The following PATL2 variants were observed in gnomAD, a reference collection of about 807,000 sequenced individuals.
PATL2 encodes protein PAT1 homolog 2.
Under a neutral mutation model 77.0 loss-of-function variants are expected in PATL2, and 73 were observed. The observed-to-expected ratio is 0.95, with a 90% CI of 0.78 to 1.15. The LOEUF is 1.15. Among genes scored for constraint, PATL2 ranks in the 50% most tolerant of loss-of-function variants. The pLI is 0.00. For synonymous variants in PATL2, 265 were observed against 257.1 expected (o/e 1.03, Z -0.29); for missense variants, 618 against 655.4 (o/e 0.94, Z 0.62).
intron 3 of PATL2, among the ~76,000 whole-genome samples, chr15:44,680,625 T>C (rs1239536104): frequency 1.3e-5 from 2 of 152,190 alleles, no homozygotes; most frequent in Non-Finnish European, 2.9e-5. Flanking sequence ...GTGTATAGGA[T>C]AGAAATATCA....
rs562374731 is a variant in PATL2 at position 44,676,931 on chromosome 15, C to A, written c.-75-366G>T. ...GCAGCCTGGGCCAGGACCTGTTTGC[C>A]GCTCCTGGCTTTAAAAGTCCCAGCT... On this transcript the variant is annotated intron_variant, in intron 3 of 17. Transcript: ENST00000682850. 3 of 1,010,284 alleles carry A rather than the reference C, an allele frequency of 3.0e-6. No individual in the cohort carries two copies. The African/African-American group carries it at 5.2e-5, about 17-fold the overall frequency. The allele number at this position is 1,010,284 out of a possible 1,614,324, so 62.6% of individuals were successfully genotyped here. A position where few individuals can be genotyped will look rare whatever the true frequency, so the allele number is the denominator to read the frequency against.
At chr15:44,667,310 A>C in intron 15 of PATL2, 107 bp from the exon 16 acceptor site, 1 of 804,792 alleles carries the variant, frequency 1.2e-6, no homozygotes, top group South Asian at 1.6e-5. Flanking sequence ...ACATTTAGAG[A>C]TAGAGCTCAA....
At position 44,669,271 on chromosome 15, in the gene PATL2, C is replaced by T; in HGVS notation, c.1064+9G>A. On this transcript the variant is annotated intron_variant, in intron 13 of 17. Transcript: ENST00000682850. ...TTCCTGGGCTGAGGTGGAACCCTCC[C>T]ACACTCACTCCAGGTTGTTCTGCTC... is the stretch of plus-strand genomic sequence containing the variant. 6.5e-7 allele frequency: 1 copy of T among 1,545,236 alleles called. No individual in the cohort carries two copies. The highest frequency in any genetic ancestry group is 2.5e-5 in the East Asian group (1 of 40,694).
chr15:44,690,189 C>G (rs2086358094), intron 3 of PATL2, among the ~76,000 whole-genome samples: 1 of 151,396 alleles, frequency 6.6e-6, no homozygotes, highest in African/African-American at 2.4e-5. Context: ...AACTCCGTCT[C>G]AAAAAAAAGT....
At chr15:44,671,920 A>G in intron 9 of PATL2, 95 bp downstream of exon 9, 1 of 1,436,198 alleles carries the variant, frequency 7.0e-7, no homozygotes, top group Non-Finnish European at 9.4e-7. Flanking sequence ...AACAGACATG[A>G]CCTCTATGAG....
intron 3 of PATL2, among the ~76,000 whole-genome samples, chr15:44,706,377 C>T (rs913654001): frequency 4.6e-5 from 7 of 152,192 alleles, no homozygotes; most frequent in African/African-American, 1.4e-4. Flanking sequence ...TTAGAGGGCA[C>T]ACCAAGCACA....
chr15:44,696,574 G>T (rs2086507672), intron 3 of PATL2, among the ~76,000 whole-genome samples: 1 of 152,148 alleles, frequency 6.6e-6, no homozygotes, highest in African/African-American at 2.4e-5. Flanking sequence ...TGTGGGACAG[G>T]TTCTCTGCCT....
At chr15:44,703,723 CTTTTTTTTTTTTTTT>C (rs933165876) in intron 3 of PATL2, among the ~76,000 whole-genome samples, 6 of 33,006 alleles carry the variant, frequency 1.8e-4, no homozygotes, top group South Asian at 1.4e-3. Flanking sequence ...CCGGGTCTTG[CTTTTTTTTTTTTTTT>C]TTTTTTTTTT....
chr15:44,680,233 G>A (rs2086103485), intron 3 of PATL2, among the ~76,000 whole-genome samples: 1 of 152,130 alleles, frequency 6.6e-6, no homozygotes, highest in Admixed American at 6.6e-5. Context: ...TTCTTGTCGG[G>A]ACCATGACTG....
At chr15:44,677,627 C>A (rs894127165) in intron 3 of PATL2, among the ~76,000 whole-genome samples, 1 of 152,130 alleles carries the variant, frequency 6.6e-6, no homozygotes, top group African/African-American at 2.4e-5. Flanking sequence ...CTGTGTTCAG[C>A]TGAAACCCAC....
intron 3 of PATL2, 164 bp from the exon 4 acceptor site, chr15:44,676,729 TC>T: frequency 8.1e-7 from 1 of 1,235,734 alleles, no homozygotes; most frequent in Non-Finnish European, 1.1e-6. Flanking sequence ...ACACCCACCC[TC>T]CCAGCTCGGC....
At chr15:44,702,495 C>T (rs899353344) in intron 3 of PATL2, among the ~76,000 whole-genome samples, 5 of 151,396 alleles carry the variant, frequency 3.3e-5, no homozygotes, top group Non-Finnish European at 7.4e-5. Flanking sequence ...TATTTTTGCT[C>T]TCATCTTTAT....
At chr15:44,683,129 C>CA (rs2086171529) in intron 3 of PATL2, among the ~76,000 whole-genome samples, 1 of 152,196 alleles carries the variant, frequency 6.6e-6, no homozygotes, top group South Asian at 2.1e-4. Context: ...CCTATGCCAC[C>CA]AGGGCCTTGG....
chr15:44,696,972 T>G (rs1311701315), intron 3 of PATL2, among the ~76,000 whole-genome samples: 4 of 152,200 alleles, frequency 2.6e-5, no homozygotes, highest in Non-Finnish European at 4.4e-5. Flanking sequence ...TTTGCTGAAT[T>G]TAATAGAATT....
chr15:44,711,090 G>A lies in PATL2; in HGVS notation c.-324C>T. On this transcript the variant is annotated 5_prime_UTR_variant, in exon 1 of 18. Coordinates refer to ENST00000682850, the MANE Select transcript of PATL2 (RefSeq NM_001387263.1). ...TAAACAGAAGTTCTCCTTCTGCTAG[G>A]TAGCATTCAAAGATCTTAATCTTCT... The A allele has an allele frequency of 3.3e-6, 1 of 299,102 alleles. No homozygotes were observed. The highest frequency in any genetic ancestry group is 3.1e-5 in the South Asian group (1 of 31,858). 18.5% of individuals were successfully genotyped at this position (299,102 alleles called of 1,614,324 possible). A position where few individuals can be genotyped will look rare whatever the true frequency, so the allele number is the denominator to read the frequency against.
At chr15:44,676,369 G>T in intron 4 of PATL2, 106 bp downstream of exon 4, 1 of 1,033,960 alleles carries the variant, frequency 9.7e-7, no homozygotes, top group South Asian at 1.4e-5. Context: ...GAAGAATTTG[G>T]AATAACTTCC....
chr15:44,671,226 A>G (rs1039487257), intron 9 of PATL2, among the ~76,000 whole-genome samples: 1 of 152,194 alleles, frequency 6.6e-6, no homozygotes, highest in Non-Finnish European at 1.5e-5. Flanking sequence ...GCGGTTGCTC[A>G]TGCCTGTAAT....
chr15:44,693,920 C>G (rs28491798), intron 3 of PATL2, among the ~76,000 whole-genome samples: 2 of 152,010 alleles, frequency 1.3e-5, no homozygotes, highest in African/African-American at 4.8e-5. Flanking sequence ...CCAGTCTGGT[C>G]TCAAACTCCT....
chr15:44,679,283 T>C (rs1355735189), intron 3 of PATL2, among the ~76,000 whole-genome samples: 1 of 150,684 alleles, frequency 6.6e-6, no homozygotes, highest in Non-Finnish European at 1.5e-5. Context: ...CAGGCTGGAG[T>C]GCAGTGGCAC....
Sources: allele counts gnomAD v4.1 joint callset (sites outside exome capture counted in the v4.1 genomes callset), GRCh38; gene constraint gnomAD v4.1.1; transcripts MANE v1.5; gene names NCBI Gene and HGNC (gene_info 2026-07-23, HGNC 2026-07-21).